The following KCTD13 variants were observed in gnomAD, a reference collection of about 807,000 sequenced individuals.
KCTD13 encodes the protein potassium channel tetramerization domain containing 13.
In KCTD13, 15 loss-of-function variants were observed where a neutral mutation model predicts 32.3. That is an observed-to-expected ratio of 0.46 (90% CI 0.31 to 0.71). The LOEUF is 0.71. Ranked by LOEUF, KCTD13 falls within the 30% of genes least tolerant of loss-of-function variation. The pLI is 0.05. For missense variants in KCTD13, 337 were observed against 452.6 expected (o/e 0.74, Z 2.32); for synonymous variants, 189 against 200.1 (o/e 0.94, Z 0.47).
intron 1 of KCTD13, 61 bp from the exon 2 acceptor site, chr16:29,923,420 A>C: frequency 6.8e-7 from 1 of 1,473,198 alleles, no homozygotes; most frequent in Admixed American, 2.1e-5. Flanking sequence ...GGAGCTACTA[A>C]ATTAAAAAAA....
chr16:29,920,950 C>T (rs1396544525), intron 2 of KCTD13: 2 of 152,110 alleles, frequency 1.3e-5, no homozygotes, highest in East Asian at 3.8e-4. Flanking sequence ...CTCATGGTGA[C>T]ACGGTTTGTA....
Position 29,906,635 on chromosome 16 carries a change from G to C in KCTD13, c.*237C>G. 1 of 668,030 alleles carries C rather than the reference G, an allele frequency of 1.5e-6. No homozygotes were observed. The highest frequency in any genetic ancestry group is 1.8e-5 in the African/African-American group (1 of 56,566). 41.4% of individuals were successfully genotyped at this position (668,030 alleles called of 1,614,324 possible). A position where few individuals can be genotyped will look rare whatever the true frequency, so the allele number is the denominator to read the frequency against. On this transcript the variant is annotated 3_prime_UTR_variant, in exon 6 of 6. Coordinates refer to ENST00000568000, the MANE Select transcript of KCTD13 (RefSeq NM_178863.5). The stretch of plus-strand genomic sequence containing the variant: ...GGAGAGGGAAGGACGCAGGGCCAGG[G>C]TGGGGACAAGTGTTGGCTTCGGAAG...
intron 2 of KCTD13, chr16:29,912,385 TC>T: frequency 2.4e-6 from 1 of 409,476 alleles, no homozygotes; most frequent in Non-Finnish European, 4.4e-6. Flanking sequence ...GGGCCAGCCC[TC>T]CCCAGCCCCC....
chr16:29,925,997 C>A lies in KCTD13; in HGVS notation c.37G>T (p.Ala13Ser), dbSNP rs2068990622. 3.8e-6 allele frequency: 6 copies of A among 1,588,968 alleles called. No homozygotes were observed. The highest frequency in any genetic ancestry group is 5.1e-6 in the Non-Finnish European group (6 of 1,169,244). Residue 13 changes from alanine to serine, a missense_variant, in exon 1 of 6, where the codon GCC becomes TCC. By Grantham distance (99) the Ala-to-Ser change is moderately conservative. Transcript: ENST00000568000. ...AEASGPAAAA[A>S]PSLEAPKPSG... ...GGCTTGGGGGCTTCCAGGGACGGGG[C>A]CGCGGCGGCAGCCGGGCCCGAGGCC...
At chr16:29,907,332 C>T (rs987771276) in intron 5 of KCTD13, among the ~76,000 whole-genome samples, 1 of 152,222 alleles carries the variant, frequency 6.6e-6, no homozygotes, top group Non-Finnish European at 1.5e-5. Flanking sequence ...TCATCTCCTT[C>T]CCTGCCTAGC....
chr16:29,910,216 G>A (rs960044972), intron 5 of KCTD13, among the ~76,000 whole-genome samples: 1 of 151,384 alleles, frequency 6.6e-6, no homozygotes, highest in African/African-American at 2.4e-5. Flanking sequence ...TGGCCAACAT[G>A]GTGAAACCCC....
At chr16:29,910,317 G>A (rs1344769493) in intron 5 of KCTD13, among the ~76,000 whole-genome samples, 1 of 152,028 alleles carries the variant, frequency 6.6e-6, no homozygotes, top group Non-Finnish European at 1.5e-5. Flanking sequence ...AGAATCGCTT[G>A]AACCTGGGAG....
chr16:29,910,859 C>A, intron 5 of KCTD13, 119 bp downstream of exon 5: 1 of 870,514 alleles, frequency 1.1e-6, no homozygotes, highest in Non-Finnish European at 1.8e-6. Flanking sequence ...CACCCCAGAC[C>A]CCAGGATCTG....
At chr16:29,925,494 A>C in intron 1 of KCTD13, 3 of 460,242 alleles carry the variant, frequency 6.5e-6, no homozygotes, top group Non-Finnish European at 8.0e-6. Flanking sequence ...GAAGGGTGGG[A>C]GAGGTGGTCA....
At position 29,912,039 on chromosome 16, in the gene KCTD13, T is replaced by C. The variant is rs1423478341; in HGVS notation, c.425A>G (p.Glu142Gly). ...DCQLALQQKR[E>G]TLSPLCLIPM... ...GATGAGGCACAGCGGGGACAGCGTC[T>C]CCCTTTTTTGCTGGGGAAGAAGCGG... is the stretch of plus-strand genomic sequence containing the variant. Residue 142 changes from glutamate to glycine, a missense_variant, in exon 3 of 6, where the codon GAG (glutamate) becomes GGG (glycine). Glu to Gly is a moderately conservative substitution (Grantham distance 98). Coordinates refer to ENST00000568000, the MANE Select transcript of KCTD13 (RefSeq NM_178863.5). 6.2e-7 allele frequency: 1 copy of C among 1,605,864 alleles called. No individual in the cohort carries two copies. The highest frequency in any genetic ancestry group is 1.3e-5 in the African/African-American group (1 of 74,898).
chr16:29,907,260 A>G (rs1394291457), intron 5 of KCTD13, 152 bp from the exon 6 acceptor site: 4 of 593,888 alleles, frequency 6.7e-6, no homozygotes, highest in African/African-American at 5.6e-5. Context: ...TTTACTCAGC[A>G]AAGTCATACT....
chr16:29,919,733 T>A (rs2068873748), intron 2 of KCTD13: 1 of 151,690 alleles, frequency 6.6e-6, no homozygotes, highest in Admixed American at 6.6e-5. Flanking sequence ...GATTGTATTT[T>A]GGCAAGCAAA....
chr16:29,925,855 G>A lies in KCTD13; in HGVS notation c.179C>T (p.Thr60Met), dbSNP rs1004392913. 4 of 1,614,106 alleles carry A rather than the reference G, an allele frequency of 2.5e-6. No individual in the cohort carries two copies. Among genetic ancestry groups the A allele is most frequent in the Middle Eastern group, 3.3e-4 (2 of 6,062 alleles). The change falls in exon 1 of 6, where the codon ACG becomes ATG. Residue 60 changes from threonine to methionine, a missense_variant. Thr to Met is a moderately conservative substitution (Grantham distance 81). Around this residue, in one of 3 missense-constraint regions of KCTD13, gnomAD observed 21 missense variants for 52.7 expected, o/e 0.40. Coordinates refer to ENST00000568000, the MANE Select transcript of KCTD13 (RefSeq NM_178863.5). ...GGCTTTGAGCATGGTGTCCTGTCCCGTGAGGGTGCGCAGCGTGGTGTAGTG... is the reference window on the plus strand; with the variant it reads ...GGCTTTGAGCATGGTGTCCTGTCCCATGAGGGTGCGCAGCGTGGTGTAGTG... ...SLHYTTLRTL[T>M]GQDTMLKAMF...
At position 29,911,076 on chromosome 16, in the gene KCTD13, C is replaced by G. The variant is rs1465079289; in HGVS notation, c.655G>C (p.Asp219His). The G allele has an allele frequency of 1.2e-6, 2 of 1,614,176 alleles. No individual in the cohort carries two copies. Among genetic ancestry groups the G allele is most frequent in the East Asian group, 2.2e-5 (1 of 44,884 alleles). Residue 219 changes from aspartate (D) to histidine (H), a missense_variant, in exon 5 of 6, where the codon GAC becomes CAC. Coordinates refer to ENST00000568000, the MANE Select transcript of KCTD13 (RefSeq NM_178863.5). ...RLLFLKDVLG[D>H]EICCWSFYGQ... ...TAGAAAGACCAGCAGCAGATCTCGTCCCCCAGGACATCCTTGAGGAAGAGT... is the reference window on the plus strand; with the variant it reads ...TAGAAAGACCAGCAGCAGATCTCGTGCCCCAGGACATCCTTGAGGAAGAGT...
rs1258295719 is a variant in KCTD13 at position 29,926,024 on chromosome 16, C to T, written c.10G>A (p.Glu4Lys). 4 of 1,532,728 alleles carry T rather than the reference C, an allele frequency of 2.6e-6. No homozygotes were observed. The highest frequency in any genetic ancestry group is 3.5e-6 in the Non-Finnish European group (4 of 1,146,538). 94.9% of individuals were successfully genotyped at this position (1,532,728 alleles called of 1,614,324 possible). Residue 4 changes from glutamate to lysine, a missense_variant, in exon 1 of 6, where the codon GAG becomes AAG. Physicochemically the swap from Glu to Lys is moderately conservative, Grantham distance 56 (BLOSUM62 1). Around this residue, in one of 3 missense-constraint regions of KCTD13, gnomAD observed 64 missense variants for 59.6 expected, o/e 1.07. Coordinates refer to ENST00000568000, the MANE Select transcript of KCTD13 (RefSeq NM_178863.5). MSA[E>K]ASGPAAAAAP... ...GCGGCGGCAGCCGGGCCCGAGGCCT[C>T]CGCCGACATGCCGGGTAGCAGCGGC...
intron 2 of KCTD13, among the ~76,000 whole-genome samples, chr16:29,916,925 G>T (rs181236868): frequency 6.6e-6 from 1 of 152,292 alleles, no homozygotes; most frequent in Admixed American, 6.5e-5. Flanking sequence ...GTCGGCAGGG[G>T]CTTCAGTTCC....
In KCTD13 at chr16:29,907,971, T is replaced by C. The variant is rs937950792; in HGVS notation, c.754-863A>G. Among the ~76,000 whole-genome samples the C allele has an allele frequency of 3.1e-4, 45 of 144,268 alleles. 1 individual carries two copies. Among genetic ancestry groups the C allele is most frequent in the African/African-American group, 1.2e-3 (45 of 38,052 alleles). The allele number at this position is 144,268 out of a possible 152,430, so 94.6% of individuals were successfully genotyped here. A position where few individuals can be genotyped will look rare whatever the true frequency, so the allele number is the denominator to read the frequency against. On this transcript the variant is annotated intron_variant, in intron 5 of 5. Coordinates refer to ENST00000568000, the MANE Select transcript of KCTD13 (RefSeq NM_178863.5). ...CCAGCCTGGGCAATGTAGCAAGACCTCATCTATTAAAAAAAAAAAAAGAGA... is the reference window on the plus strand; with the variant it reads ...CCAGCCTGGGCAATGTAGCAAGACCCCATCTATTAAAAAAAAAAAAAGAGA...
chr16:29,906,848 G>C lies in KCTD13; in HGVS notation c.*24C>G. 1 of 1,597,836 alleles carries C rather than the reference G, an allele frequency of 6.3e-7. No homozygotes were observed. The highest frequency in any genetic ancestry group is 8.6e-7 in the Non-Finnish European group (1 of 1,165,692). On this transcript the variant is annotated 3_prime_UTR_variant, in exon 6 of 6. Coordinates refer to ENST00000568000, the MANE Select transcript of KCTD13 (RefSeq NM_178863.5). ...AGAGGGACTGGGTCCCAAGGCAAGA[G>C]GAAGGCAGGGGGAGGGTCAGAGGTC...
intron 2 of KCTD13, chr16:29,915,231 T>C (rs72798148): frequency 0.16 from 23,813 of 152,214 alleles, 2,485 homozygotes; most frequent in Middle Eastern, 0.25. Flanking sequence ...GTCTTGTCCT[T>C]TTGCACTGGC....
Sources: gnomAD v4.1 joint callset for allele counts (sites outside exome capture counted in the v4.1 genomes callset) on GRCh38, gnomAD v4.1.1 for gene constraint, gnomAD v4.1.1 regional missense constraint, MANE v1.5 for transcripts, NCBI Gene and HGNC (gene_info 2026-07-23, HGNC 2026-07-21) for gene names.